Variants in ARHGAP15 observed in about 807,000 individuals in gnomAD.
The protein encoded by ARHGAP15 is rho GTPase-activating protein 15.
A neutral mutation model predicts 63.7 loss-of-function variants in ARHGAP15; 51 were observed. The observed-to-expected ratio is 0.80, with a 90% CI of 0.64 to 1.01. ARHGAP15 has a LOEUF of 1.01. ARHGAP15 is among the 50% of genes least tolerant of loss of function. ARHGAP15 has a pLI of 0.00. For synonymous variants in ARHGAP15, 191 were observed against 193.8 expected, an observed-to-expected ratio of 0.99 and a Z score of 0.12; for missense variants, 560 against 564.6, an observed-to-expected ratio of 0.99 and a Z score of 0.08.
At chr2:143,574,626 C>T (rs145036361) in intron 11 of ARHGAP15, among the ~76,000 whole-genome samples, 205 of 152,212 alleles carry the variant, frequency 1.3e-3, no homozygotes, top group East Asian at 4.2e-3. Context: ...TTGGTTATGA[C>T]GAGCAGGGAG....
chr2:143,579,986 TTTCTTCAAA>T (rs1696829619), intron 11 of ARHGAP15, among the ~76,000 whole-genome samples: 1 of 142,840 alleles, frequency 7.0e-6, no homozygotes, highest in African/African-American at 2.5e-5. Flanking sequence ...AAAACAAATG[TTTCTTCAAA>T]ACATTTGTTT....
intron 6 of ARHGAP15, among the ~76,000 whole-genome samples, chr2:143,284,590 C>T (rs992104144): frequency 2.6e-5 from 4 of 152,220 alleles, no homozygotes; most frequent in African/African-American, 9.6e-5. Context: ...ACAGATAACC[C>T]AAAAGAATGG....
At chr2:143,153,810 T>A (rs964636086) in intron 1 of ARHGAP15, among the ~76,000 whole-genome samples, 1 of 73,026 alleles carries the variant, frequency 1.4e-5, no homozygotes, top group African/African-American at 5.0e-5. Context: ...CTTCTTCTTC[T>A]TCTTCTTCTT....
At chr2:143,215,629 G>A (rs901889883) in intron 3 of ARHGAP15, among the ~76,000 whole-genome samples, 36 of 152,126 alleles carry the variant, frequency 2.4e-4, no homozygotes, top group African/African-American at 8.7e-4. Context: ...AGACACAGGA[G>A]GGTAGAAATA....
At chr2:143,199,988 A>G (rs1692045536) in intron 2 of ARHGAP15, among the ~76,000 whole-genome samples, 1 of 152,148 alleles carries the variant, frequency 6.6e-6, no homozygotes, top group South Asian at 2.1e-4. Flanking sequence ...AATGGACAAC[A>G]ATGGAGCAAG....
At chr2:143,302,785 ACT>A (rs761914442) in intron 6 of ARHGAP15, among the ~76,000 whole-genome samples, 2 of 152,040 alleles carry the variant, frequency 1.3e-5, no homozygotes, top group Non-Finnish European at 2.9e-5. Flanking sequence ...AAGAGAAAAG[ACT>A]CAATTGAATA....
intron 6 of ARHGAP15, among the ~76,000 whole-genome samples, chr2:143,286,250 C>T (rs768473623): frequency 5.3e-5 from 8 of 152,106 alleles, no homozygotes; most frequent in Non-Finnish European, 1.0e-4. Flanking sequence ...ATCACACAAC[C>T]AGAAATAAAT....
At chr2:143,475,008 CAT>C (rs1266398747) in intron 8 of ARHGAP15, among the ~76,000 whole-genome samples, 2 of 152,184 alleles carry the variant, frequency 1.3e-5, no homozygotes, top group African/African-American at 4.8e-5. Context: ...TTGTCACACA[CAT>C]GGTGACCACC....
intron 2 of ARHGAP15, among the ~76,000 whole-genome samples, chr2:143,182,427 A>C (rs1372277221): frequency 6.6e-6 from 1 of 152,194 alleles, no homozygotes; most frequent in Admixed American, 6.5e-5. Flanking sequence ...GGTGAAGCAC[A>C]ATAAAATGAA....
intron 8 of ARHGAP15, among the ~76,000 whole-genome samples, chr2:143,446,953 T>A (rs1690171431): frequency 6.6e-6 from 1 of 152,164 alleles, no homozygotes; most frequent in African/African-American, 2.4e-5. Flanking sequence ...ACAAAGGACA[T>A]GAACTCCTCA....
At chr2:143,200,894 A>C (rs566112186) in intron 2 of ARHGAP15, among the ~76,000 whole-genome samples, 2 of 152,226 alleles carry the variant, frequency 1.3e-5, no homozygotes, top group East Asian at 3.9e-4. Context: ...AAAAAATTTC[A>C]ATATGAAATA....
intron 11 of ARHGAP15, among the ~76,000 whole-genome samples, chr2:143,562,325 G>A (rs1361699889): frequency 6.6e-6 from 1 of 152,116 alleles, no homozygotes; most frequent in Admixed American, 6.5e-5. Flanking sequence ...TAAGCAATTG[G>A]ATGAAACAGA....
At chr2:143,227,095 T>C (rs1574118646) in intron 4 of ARHGAP15, among the ~76,000 whole-genome samples, 3 of 152,246 alleles carry the variant, frequency 2.0e-5, no homozygotes, top group Admixed American at 1.3e-4. Flanking sequence ...TGAAGCAAAC[T>C]GCAGCAATAT....
At chr2:143,295,960 T>C (rs182877943) in intron 6 of ARHGAP15, among the ~76,000 whole-genome samples, 16 of 152,084 alleles carry the variant, frequency 1.1e-4, no homozygotes, top group Admixed American at 2.6e-4. Flanking sequence ...AGTTAAGAAA[T>C]GTGCCTCGCT....
intron 8 of ARHGAP15, among the ~76,000 whole-genome samples, chr2:143,444,097 T>TC (rs962724023): frequency 1.4e-4 from 22 of 152,162 alleles, no homozygotes; most frequent in Non-Finnish European, 1.5e-5. Flanking sequence ...AAGCACTAGA[T>TC]CACCCTATCT....
At chr2:143,313,927 T>C (rs538313727) in intron 6 of ARHGAP15, among the ~76,000 whole-genome samples, 2 of 151,698 alleles carry the variant, frequency 1.3e-5, no homozygotes, top group African/African-American at 4.8e-5. Flanking sequence ...ATTTTTATTC[T>C]GCGAGACTTA....
At chr2:143,330,580 C>T (rs1385169788) in intron 6 of ARHGAP15, among the ~76,000 whole-genome samples, 1 of 152,164 alleles carries the variant, frequency 6.6e-6, no homozygotes, top group African/African-American at 2.4e-5. Flanking sequence ...CCTAGTGAAT[C>T]AGGCCTTCAG....
intron 10 of ARHGAP15, among the ~76,000 whole-genome samples, chr2:143,545,501 A>T (rs1461250209): frequency 7.5e-5 from 1 of 13,358 alleles, no homozygotes; most frequent in African/African-American, 2.2e-4. Flanking sequence ...CAAAGTAAAA[A>T]TAATGTTATT....
intron 1 of ARHGAP15, among the ~76,000 whole-genome samples, chr2:143,136,971 C>G (rs1273272908): frequency 6.6e-6 from 1 of 152,062 alleles, no homozygotes; most frequent in Non-Finnish European, 1.5e-5. Context: ...TCTCCTGACT[C>G]TCCTCCCTGC....
Sources: gnomAD v4.1 joint callset for allele counts (sites outside exome capture counted in the v4.1 genomes callset) on GRCh38, gnomAD v4.1.1 for gene constraint, MANE v1.5 for transcripts, NCBI Gene and HGNC (gene_info 2026-07-23, HGNC 2026-07-21) for gene names.